PTPRK: variants seen among roughly 807,000 people sequenced by gnomAD.
The protein encoded by PTPRK is receptor-type tyrosine-protein phosphatase kappa.
PTPRK carries 75 observed loss-of-function variants against 178.0 expected under a neutral mutation model. The ratio of observed to expected loss-of-function variants is 0.42; its 90% CI spans 0.35 to 0.51. The LOEUF is 0.51. Ranked by LOEUF, PTPRK falls within the 20% of genes least tolerant of loss-of-function variation. The probability of loss-of-function intolerance (pLI) is 0.02; values close to 1 mark genes in which losing one functional copy is unlikely to be tolerated. For missense variants in PTPRK, 1,441 were observed against 1,797.8 expected, an observed-to-expected ratio of 0.80 and a Z score of 3.59; for synonymous variants, 637 against 620.6, an observed-to-expected ratio of 1.03 and a Z score of -0.39.
intron 5 of PTPRK, among the ~76,000 whole-genome samples, chr6:128,233,050 C>T: frequency 6.6e-6 from 1 of 152,226 alleles, no homozygotes. Flanking sequence ...CTTCAGGAAG[C>T]TTACCTTCAT....
intron 9 of PTPRK, among the ~76,000 whole-genome samples, chr6:128,082,846 C>A (rs900120850): frequency 6.6e-6 from 1 of 151,762 alleles, no homozygotes; most frequent in Non-Finnish European, 1.5e-5. Context: ...ACAGATACAC[C>A]GGAGTTATAG....
intron 3 of PTPRK, among the ~76,000 whole-genome samples, chr6:128,271,405 G>C (rs1262318170): frequency 6.6e-6 from 1 of 152,130 alleles, no homozygotes; most frequent in Non-Finnish European, 1.5e-5. Context: ...CAAGATGAAA[G>C]CACTGCAGGG....
chr6:128,000,383 A>C, intron 15 of PTPRK: 1 of 1,153,022 alleles, frequency 8.7e-7, no homozygotes, highest in Non-Finnish European at 1.1e-6. Context: ...GTGCCTCTGT[A>C]ATTTAGCTTG....
At chr6:128,433,074 GTATT>G (rs1351368390) in intron 1 of PTPRK, among the ~76,000 whole-genome samples, 4 of 152,184 alleles carry the variant, frequency 2.6e-5, no homozygotes, top group African/African-American at 9.6e-5. Flanking sequence ...TCAAATCAAA[GTATT>G]TAGGATATTT....
At chr6:128,054,147 G>A (rs914498210) in intron 13 of PTPRK, among the ~76,000 whole-genome samples, 1 of 152,188 alleles carries the variant, frequency 6.6e-6, no homozygotes. Flanking sequence ...TCCCTGCATT[G>A]ATATGAATGA....
At chr6:128,275,163 G>C (rs1331624399) in intron 3 of PTPRK, among the ~76,000 whole-genome samples, 1 of 151,866 alleles carries the variant, frequency 6.6e-6, no homozygotes, top group African/African-American at 2.4e-5. Context: ...CTATTTTACA[G>C]ATAAAGACAC....
At chr6:128,241,741 CT>C (rs1431457282) in intron 4 of PTPRK, among the ~76,000 whole-genome samples, 1 of 151,576 alleles carries the variant, frequency 6.6e-6, no homozygotes, top group African/African-American at 2.4e-5. Flanking sequence ...CATAACAAAA[CT>C]GTGTATTAAT....
In PTPRK at chr6:128,189,243, T is replaced by C. The variant is rs868619919; in HGVS notation, c.869-4518A>G. Among the ~76,000 whole-genome samples the C allele has an allele frequency of 8.0e-3, 1,073 of 134,190 alleles. 18 individuals are homozygous for C. Among genetic ancestry groups the C allele is most frequent in the African/African-American group, 0.028 (1,024 of 35,946 alleles). The allele number at this position is 134,190 out of a possible 152,430, so 88.0% of individuals were successfully genotyped here. ...CATATTTTACTCTTTTTCTTTTTTT[T>C]TTTTTTTTTTTTTTTGAGACAGAGT... is the stretch of plus-strand genomic sequence containing the variant. On this transcript the variant is annotated intron_variant, in intron 6 of 29. Transcript: ENST00000368226.
At chr6:128,023,875 G>C (rs1396901878) in intron 13 of PTPRK, among the ~76,000 whole-genome samples, 3 of 147,530 alleles carry the variant, frequency 2.0e-5, no homozygotes, top group Non-Finnish European at 3.0e-5. Flanking sequence ...CCTCCATGTT[G>C]TCCAGGTTTG....
chr6:128,239,293 A>G (rs1175936610), intron 5 of PTPRK, among the ~76,000 whole-genome samples: 1 of 152,166 alleles, frequency 6.6e-6, no homozygotes, highest in Admixed American at 6.5e-5. Context: ...ACTTCGCTCA[A>G]TAGCCATCTG....
chr6:128,436,435 T>C (rs750131249), intron 1 of PTPRK, among the ~76,000 whole-genome samples: 1 of 152,230 alleles, frequency 6.6e-6, no homozygotes, highest in African/African-American at 2.4e-5. Context: ...CATTGTCGCT[T>C]ACTTTAGAAA....
chr6:128,019,439 G>A (rs895043326), intron 13 of PTPRK, among the ~76,000 whole-genome samples: 2 of 152,018 alleles, frequency 1.3e-5, no homozygotes, highest in Admixed American at 1.3e-4. Context: ...TAAATTGGCA[G>A]TCAGTCACAT....
chr6:128,298,444 G>C lies in PTPRK; in HGVS notation c.495+23595C>G, dbSNP rs992267954. Among the ~76,000 whole-genome samples, 4 of 146,562 alleles carry C rather than the reference G, an allele frequency of 2.7e-5. 1 individual carries two copies. Among genetic ancestry groups the C allele is most frequent in the African/African-American group, 1.1e-4 (4 of 36,310 alleles). ...ACAACCAAAAAAGACCAATATCCTT[G>C]ATGAACATTGATGCAAAAATCCTCA... is the stretch of plus-strand genomic sequence containing the variant. On this transcript the variant is annotated intron_variant, in intron 3 of 29. Coordinates refer to ENST00000368226, the MANE Select transcript of PTPRK (RefSeq NM_002844.4).
intron 2 of PTPRK, among the ~76,000 whole-genome samples, chr6:128,355,968 C>T (rs1833905429): frequency 6.6e-6 from 1 of 152,112 alleles, no homozygotes; most frequent in Non-Finnish European, 1.5e-5. Context: ...TGTTAAAAAT[C>T]AGTGAGACAA....
intron 13 of PTPRK, among the ~76,000 whole-genome samples, chr6:128,061,319 C>CA (rs1780776601): frequency 6.6e-6 from 1 of 151,608 alleles, no homozygotes; most frequent in African/African-American, 2.4e-5. Flanking sequence ...TTTAAGTTTT[C>CA]AAAAAAATGA....
chr6:128,464,584 C>T (rs1849497014), intron 1 of PTPRK, among the ~76,000 whole-genome samples: 1 of 130,312 alleles, frequency 7.7e-6, no homozygotes, highest in South Asian at 2.5e-4. Context: ...CCATCTAAAG[C>T]CTTTATTTTA....
chr6:128,367,185 T>C (rs1403177235), intron 2 of PTPRK, among the ~76,000 whole-genome samples: 2 of 152,160 alleles, frequency 1.3e-5, no homozygotes, highest in African/African-American at 4.8e-5. Flanking sequence ...CCTTAATAAA[T>C]ATCTGTTGAT....
At chr6:128,173,774 G>A (rs17055412) in intron 7 of PTPRK, among the ~76,000 whole-genome samples, 3,326 of 151,810 alleles carry the variant, frequency 0.022, 98 homozygotes, top group African/African-American at 0.046. Flanking sequence ...CCTCTGCTTC[G>A]GTTCAAGTAC....
chr6:128,172,276 A>G (rs980446513), intron 7 of PTPRK, among the ~76,000 whole-genome samples: 1 of 151,974 alleles, frequency 6.6e-6, no homozygotes, highest in African/African-American at 2.4e-5. Context: ...TGATATTTGT[A>G]CTGCTGTTCT....
Sources: gnomAD v4.1 joint callset for allele counts (sites outside exome capture counted in the v4.1 genomes callset) on GRCh38, gnomAD v4.1.1 for gene constraint, MANE v1.5 for transcripts, NCBI Gene and HGNC (gene_info 2026-07-23, HGNC 2026-07-21) for gene names.